The following TRAPPC9 variants were observed in gnomAD, a reference collection of about 807,000 sequenced individuals.
TRAPPC9 encodes the protein trafficking protein particle complex subunit 9, also known as IKK2 binding protein.
In TRAPPC9, 83 loss-of-function variants were observed where a neutral mutation model predicts 124.0. The ratio of observed to expected loss-of-function variants is 0.67; its 90% CI spans 0.56 to 0.80. The LOEUF is 0.80. TRAPPC9 is among the 30% of genes least tolerant of loss of function. The pLI, the probability that TRAPPC9 is intolerant of heterozygous loss-of-function variation, is 0.00. For synonymous variants in TRAPPC9, 638 were observed against 617.5 expected (o/e 1.03, Z -0.49); for missense variants, 1,302 against 1,508.3 (o/e 0.86, Z 2.27).
At chr8:140,287,475 A>T in intron 13 of TRAPPC9, 133 bp downstream of exon 13, 1 of 1,282,584 alleles carries the variant, frequency 7.8e-7, no homozygotes, top group East Asian at 2.4e-5. Context: ...ATGCTTCCCA[A>T]AGAGACAAGG....
intron 19 of TRAPPC9, among the ~76,000 whole-genome samples, chr8:139,944,635 T>C (rs941189523): frequency 6.6e-6 from 1 of 152,208 alleles, no homozygotes. Flanking sequence ...GTAATTCATA[T>C]ATAAATACAT....
chr8:140,267,770 G>A (rs1377553409), intron 15 of TRAPPC9, among the ~76,000 whole-genome samples: 4 of 152,128 alleles, frequency 2.6e-5, no homozygotes, highest in Admixed American at 1.3e-4. Flanking sequence ...GGGTTCAAGC[G>A]ATTCTCCTGC....
intron 19 of TRAPPC9, among the ~76,000 whole-genome samples, chr8:139,913,301 G>T (rs1021408828): frequency 1.3e-5 from 2 of 152,236 alleles, no homozygotes; most frequent in Non-Finnish European, 2.9e-5. Flanking sequence ...TGTTCTGTGT[G>T]TACGCTCATC....
intron 21 of TRAPPC9, among the ~76,000 whole-genome samples, chr8:139,828,218 C>T (rs537763615): frequency 1.8e-4 from 27 of 152,226 alleles, no homozygotes; most frequent in Middle Eastern, 3.4e-3. Flanking sequence ...GCCCACATGA[C>T]GCCTGTCTGC....
At chr8:140,275,272 A>T (rs554511056) in intron 15 of TRAPPC9, among the ~76,000 whole-genome samples, 2 of 152,372 alleles carry the variant, frequency 1.3e-5, no homozygotes, top group Admixed American at 1.3e-4. Context: ...AGCTGGATGC[A>T]TGATGGGTTG....
At chr8:140,134,063 T>C (rs1192376163) in intron 17 of TRAPPC9, among the ~76,000 whole-genome samples, 2 of 152,074 alleles carry the variant, frequency 1.3e-5, no homozygotes, top group African/African-American at 2.4e-5. Context: ...TCTCACAGAA[T>C]TGCAAAAGGA....
chr8:139,995,227 G>C (rs924666878), intron 18 of TRAPPC9, among the ~76,000 whole-genome samples: 6 of 152,232 alleles, frequency 3.9e-5, no homozygotes, highest in African/African-American at 1.4e-4. Context: ...GTGGACTCCA[G>C]AGGCGTGCCC....
intron 19 of TRAPPC9, chr8:139,916,257 G>A (rs1832122240): frequency 6.6e-6 from 1 of 152,194 alleles, no homozygotes; most frequent in African/African-American, 2.4e-5. Flanking sequence ...TCTGATTGAG[G>A]CTGATACACC....
At chr8:140,364,318 C>T (rs1202467358) in intron 8 of TRAPPC9, among the ~76,000 whole-genome samples, 3 of 146,118 alleles carry the variant, frequency 2.1e-5, no homozygotes, top group East Asian at 3.9e-4. Context: ...AAAAAGGAAC[C>T]GAAAAGCAAT....
At chr8:140,227,798 A>T (rs971603465) in intron 16 of TRAPPC9, among the ~76,000 whole-genome samples, 7 of 152,236 alleles carry the variant, frequency 4.6e-5, no homozygotes, top group African/African-American at 4.8e-5. Flanking sequence ...CTGCAAAGTC[A>T]GGCATTCTCT....
chr8:140,272,474 ATGGTGG>A (rs1255729721), intron 15 of TRAPPC9, among the ~76,000 whole-genome samples: 3 of 150,722 alleles, frequency 2.0e-5, no homozygotes, highest in Non-Finnish European at 4.4e-5. Flanking sequence ...AGTGATGGTG[ATGGTGG>A]TGGTGGCAGC....
chr8:140,276,709 T>C (rs912117513), intron 14 of TRAPPC9, among the ~76,000 whole-genome samples: 1 of 151,962 alleles, frequency 6.6e-6, no homozygotes, highest in African/African-American at 2.4e-5. Flanking sequence ...TGCCAGCAGA[T>C]GACAAATAGA....
At chr8:139,757,780 C>T (rs1819953605) in intron 21 of TRAPPC9, among the ~76,000 whole-genome samples, 1 of 152,114 alleles carries the variant, frequency 6.6e-6, no homozygotes, top group Admixed American at 6.5e-5. Flanking sequence ...TCTACATCAC[C>T]TGCACTGCCC....
At position 139,729,448 on chromosome 8, in the gene TRAPPC9, T is replaced by C. The variant is rs199234; in HGVS notation, c.*1613A>G. ...GGGCTGAAGAGACCGCCCTGGGGTC[T>C]CCACCCCCTACTGCAGCCAGACCTT... On this transcript the variant is annotated 3_prime_UTR_variant, in exon 23 of 23. Coordinates refer to ENST00000438773, the MANE Select transcript of TRAPPC9 (RefSeq NM_001160372.4). Among the ~76,000 whole-genome samples the C allele has an allele frequency of 0.27, 40,701 of 151,960 alleles. 6,387 individuals are homozygous for C. The highest frequency in any genetic ancestry group is 0.44 in the African/African-American group (18,296 of 41,370).
intron 21 of TRAPPC9, among the ~76,000 whole-genome samples, chr8:139,839,500 G>T (rs1011275047): frequency 2.0e-5 from 3 of 152,164 alleles, no homozygotes; most frequent in African/African-American, 7.2e-5. Context: ...AAGAAATGGC[G>T]GGCTCAAGAA....
At chr8:139,816,850 C>G (rs1047097450) in intron 21 of TRAPPC9, among the ~76,000 whole-genome samples, 6 of 152,078 alleles carry the variant, frequency 3.9e-5, no homozygotes, top group Non-Finnish European at 5.9e-5. Context: ...CTGCTTGGAA[C>G]CAAACTCACG....
At position 140,257,430 on chromosome 8, in the gene TRAPPC9, T is replaced by A. The variant is rs1588026449; in HGVS notation, c.2279-4501A>T. Among the ~76,000 whole-genome samples the A allele has an allele frequency of 6.6e-6, 1 of 152,072 alleles. No homozygotes were observed. Among genetic ancestry groups the A allele is most frequent in the Non-Finnish European group, 1.5e-5 (1 of 68,014 alleles). Reference sequence around the variant, plus strand: ...CCTCCAATGGCACTCGGAGGTGCCATCCTGACGACACTACTTTAGACCCAC... The same window carrying A: ...CCTCCAATGGCACTCGGAGGTGCCAACCTGACGACACTACTTTAGACCCAC... On this transcript the variant is annotated intron_variant, in intron 15 of 22. Transcript: ENST00000438773. This position sits in a 1 kb window ranked among gnomAD's most constrained non-coding sequence, Gnocchi z 4.6.
intron 15 of TRAPPC9, among the ~76,000 whole-genome samples, chr8:140,272,663 G>A (rs1182585476): frequency 6.6e-6 from 1 of 152,090 alleles, no homozygotes; most frequent in Non-Finnish European, 1.5e-5. Flanking sequence ...TGCTTCTGGT[G>A]AGGGCCTGAG....
chr8:140,380,420 G>T (rs185679683), intron 7 of TRAPPC9, among the ~76,000 whole-genome samples: 2 of 152,050 alleles, frequency 1.3e-5, no homozygotes. Context: ...TTGGGAGGCC[G>T]GGGTGGGTGG....
Sources: allele counts gnomAD v4.1 joint callset (sites outside exome capture counted in the v4.1 genomes callset), GRCh38; gene constraint gnomAD v4.1.1; non-coding constraint Gnocchi (gnomAD v3.1); transcripts MANE v1.5; gene names NCBI Gene and HGNC (gene_info 2026-07-23, HGNC 2026-07-21).